Variants in CFAP96 observed in about 807,000 individuals in gnomAD.
CFAP96 encodes cilia and flagella associated protein 96.
the CFAP96 span, among the ~76,000 whole-genome samples, chr4:185,408,597 G>A: frequency 1.3e-5 from 2 of 152,132 alleles, no homozygotes; most frequent in Admixed American, 6.5e-5. Flanking sequence ...ATACCTTCTT[G>A]GCTTTTTATT....
At chr4:185,418,380 TCA>T in the CFAP96 span, 1 of 1,288,420 alleles carries the variant, frequency 7.8e-7, no homozygotes, top group African/African-American at 1.5e-5. Flanking sequence ...AAGATTGCAC[TCA>T]GTTCCAAATC....
chr4:185,416,558 G>A, the CFAP96 span, among the ~76,000 whole-genome samples: 6 of 152,174 alleles, frequency 3.9e-5, no homozygotes, highest in African/African-American at 1.4e-4. Context: ...GGGTTGAAGT[G>A]GAACTGGAGG....
chr4:185,427,438 G>A, the CFAP96 span, among the ~76,000 whole-genome samples: 6 of 152,290 alleles, frequency 3.9e-5, no homozygotes, highest in African/African-American at 1.4e-4. Flanking sequence ...CAGGCTTGCA[G>A]AGAGGCACTC....
chr4:185,445,086 A>T, the CFAP96 span: 2 of 1,551,600 alleles, frequency 1.3e-6, no homozygotes, highest in East Asian at 2.4e-5. Context: ...CAAGTGGACC[A>T]AAAAGCAGAC....
the CFAP96 span, among the ~76,000 whole-genome samples, chr4:185,419,904 G>A: frequency 6.6e-6 from 1 of 152,174 alleles, no homozygotes; most frequent in Non-Finnish European, 1.5e-5. Flanking sequence ...GTGTGGATGT[G>A]TTTTCAATTC....
At chr4:185,435,422 C>T in the CFAP96 span, among the ~76,000 whole-genome samples, 1 of 152,182 alleles carries the variant, frequency 6.6e-6, no homozygotes, top group Non-Finnish European at 1.5e-5. Context: ...GAATTAGAGA[C>T]TATGACTGTT....
the CFAP96 span, among the ~76,000 whole-genome samples, chr4:185,410,847 GA>G: frequency 2.6e-5 from 4 of 151,456 alleles, no homozygotes; most frequent in Non-Finnish European, 5.9e-5. Flanking sequence ...TTGGGAGGCT[GA>G]GGGAGGATAA....
the CFAP96 span, among the ~76,000 whole-genome samples, chr4:185,440,091 T>C: frequency 4.6e-5 from 7 of 151,394 alleles, no homozygotes; most frequent in Non-Finnish European, 7.4e-5. Context: ...AAATCATATA[T>C]ATACATAATC....
At chr4:185,423,813 T>TAC in the CFAP96 span, among the ~76,000 whole-genome samples, 101 of 150,912 alleles carry the variant, frequency 6.7e-4, no homozygotes, top group East Asian at 2.5e-3. Context: ...CATACATATA[T>TAC]ACACACACAC....
chr4:185,408,436 C>T, the CFAP96 span: 4 of 1,612,588 alleles, frequency 2.5e-6, no homozygotes, highest in African/African-American at 1.3e-5. Flanking sequence ...CCACATAAAT[C>T]TATATACAGA....
chr4:185,444,682 T>C, the CFAP96 span, among the ~76,000 whole-genome samples: 1 of 152,214 alleles, frequency 6.6e-6, no homozygotes, highest in Non-Finnish European at 1.5e-5. Context: ...AACTAAGTGA[T>C]AGCCTAGTCT....
At chr4:185,435,961 A>G in the CFAP96 span, 4 of 1,074,104 alleles carry the variant, frequency 3.7e-6, no homozygotes, top group Non-Finnish European at 5.1e-6. Context: ...CTTTTTTTCA[A>G]TCTGTTTAAA....
At chr4:185,426,166 C>T in the CFAP96 span, 28 of 484,818 alleles carry the variant, frequency 5.8e-5, no homozygotes, top group South Asian at 6.1e-4. Context: ...CGAATCTCCT[C>T]GTATCCTCCC....
chr4:185,449,653 A>AG, the CFAP96 span: 5 of 1,522,158 alleles, frequency 3.3e-6, no homozygotes, highest in Non-Finnish European at 4.4e-6. Flanking sequence ...AGCAACTGGA[A>AG]GACAAGTAGC....
the CFAP96 span, among the ~76,000 whole-genome samples, chr4:185,440,992 C>T: frequency 1.3e-5 from 2 of 150,880 alleles, no homozygotes; most frequent in African/African-American, 2.4e-5. Context: ...ACTCTTTGCC[C>T]GGGCTGGCAG....
the CFAP96 span, among the ~76,000 whole-genome samples, chr4:185,437,327 A>C: frequency 6.6e-6 from 1 of 152,256 alleles, no homozygotes; most frequent in Non-Finnish European, 1.5e-5. Context: ...ATTTGTAAAT[A>C]AATAAAGGAA....
the CFAP96 span, chr4:185,415,251 AG>A: frequency 6.2e-7 from 1 of 1,604,392 alleles, no homozygotes; most frequent in Non-Finnish European, 8.5e-7. Flanking sequence ...GCAGTGGTTC[AG>A]GGACCACAAT....
the CFAP96 span, among the ~76,000 whole-genome samples, chr4:185,439,813 A>ACTCTCATATACT: frequency 6.8e-6 from 1 of 147,430 alleles, no homozygotes; most frequent in Non-Finnish European, 1.5e-5. Context: ...ATATACATAT[A>ACTCTCATATACT]CTCATATATG....
the CFAP96 span, chr4:185,429,407 C>A: frequency 1.3e-6 from 2 of 1,524,656 alleles, no homozygotes; most frequent in Admixed American, 4.5e-5. Context: ...CCACCAGACG[C>A]CACCATGCCT....
Sources: allele counts gnomAD v4.1 joint callset (sites outside exome capture counted in the v4.1 genomes callset), GRCh38; gene constraint gnomAD v4.1.1; transcripts MANE v1.5; gene names NCBI Gene and HGNC (gene_info 2026-07-23, HGNC 2026-07-21).